PVT1: variants seen among roughly 807,000 people sequenced by gnomAD.
PVT1 encodes CXCR4/PVT1 fusion.
At chr8:127,843,193 T>A (rs151021139) in intron 2 of PVT1, among the ~76,000 whole-genome samples, 6,620 of 152,088 alleles carry the variant, frequency 0.044, 514 homozygotes, top group African/African-American at 0.15. Context: ...CCATTTCTAC[T>A]AAAAATACAA....
At chr8:127,848,582 C>G (rs941780940) in intron 2 of PVT1, among the ~76,000 whole-genome samples, 2 of 152,196 alleles carry the variant, frequency 1.3e-5, no homozygotes, top group Admixed American at 6.5e-5. Context: ...ACTTGGGAGG[C>G]TGAGGCAGGA....
chr8:127,879,237 A>T (rs1034303529), intron 2 of PVT1, among the ~76,000 whole-genome samples: 4 of 152,270 alleles, frequency 2.6e-5, no homozygotes, highest in African/African-American at 9.6e-5. Context: ...GGTTAAGAAC[A>T]AAGACCCAGG....
In PVT1 at chr8:127,817,354, C is replaced by T. The variant is rs886600169; in HGVS notation, n.372+21283C>T. 3.9e-5 allele frequency among the ~76,000 whole-genome samples: 5 copies of T among 127,080 alleles called. No homozygotes were observed. In the Admixed American group the frequency reaches 4.3e-4, roughly 11 times the overall value. The allele number at this position is 127,080 out of a possible 152,430, so 83.4% of individuals were successfully genotyped here. A position where few individuals can be genotyped will look rare whatever the true frequency, so the allele number is the denominator to read the frequency against. On this transcript the variant is annotated intron_variant and non_coding_transcript_variant, in intron 2 of 10. Coordinates refer to ENST00000651587, the Ensembl canonical transcript of PVT1. ...CCCTGTCTGTGAATTGAGTCTGTTA[C>T]ATATATATATATCTATTTAAATATA... is the stretch of plus-strand genomic sequence containing the variant.
At chr8:127,964,357 C>G (rs1420294150) in intron 3 of PVT1, among the ~76,000 whole-genome samples, 1 of 152,172 alleles carries the variant, frequency 6.6e-6, no homozygotes, top group Admixed American at 6.5e-5. Context: ...TTGGCGGATA[C>G]AGCAGCGACC....
At chr8:128,077,604 G>A (rs1465789193) in intron 5 of PVT1, among the ~76,000 whole-genome samples, 1 of 152,160 alleles carries the variant, frequency 6.6e-6, no homozygotes. Context: ...ACCACGAATA[G>A]AGAAAATGTC....
intron 3 of PVT1, among the ~76,000 whole-genome samples, chr8:127,950,763 G>T (rs1421443717): frequency 6.6e-6 from 1 of 152,236 alleles, no homozygotes; most frequent in Non-Finnish European, 1.5e-5. Flanking sequence ...CTCACAAGGA[G>T]CACCTTCGAG....
At chr8:127,970,688 T>C (rs1264659034) in intron 3 of PVT1, among the ~76,000 whole-genome samples, 2 of 152,026 alleles carry the variant, frequency 1.3e-5, no homozygotes, top group African/African-American at 4.8e-5. Flanking sequence ...GGTCTCATCG[T>C]TGGTTATGGG....
At position 127,891,420 on chromosome 8, in the gene PVT1, A is replaced by G. The variant is rs560113119; in HGVS notation, n.782+422A>G. 2.6e-5 allele frequency among the ~76,000 whole-genome samples: 4 copies of G among 152,318 alleles called. No homozygotes were observed. In the South Asian group the frequency reaches 8.3e-4, roughly 32 times the overall value. On this transcript the variant is annotated intron_variant and non_coding_transcript_variant, in intron 3 of 10. Coordinates refer to ENST00000651587, the Ensembl canonical transcript of PVT1. ...CTTGGCTCTGTGCTCAGAGCTAGGA[A>G]CAACATAAGGCCATATGGCTGGTGC...
intron 2 of PVT1, among the ~76,000 whole-genome samples, chr8:127,886,155 A>G (rs948448170): frequency 3.3e-5 from 5 of 152,192 alleles, no homozygotes; most frequent in African/African-American, 7.2e-5. Flanking sequence ...AGTGACCTGC[A>G]GAGCACATAT....
chr8:127,929,505 A>G (rs1816174409), intron 3 of PVT1, among the ~76,000 whole-genome samples: 1 of 152,188 alleles, frequency 6.6e-6, no homozygotes, highest in South Asian at 2.1e-4. Flanking sequence ...AATTTTTTTA[A>G]AAAGAAAATA....
intron 2 of PVT1, among the ~76,000 whole-genome samples, chr8:127,855,590 G>T (rs544854975): frequency 1.3e-5 from 2 of 152,150 alleles, no homozygotes; most frequent in South Asian, 2.1e-4. Flanking sequence ...GTGGGTGAGG[G>T]GATTGGAATC....
At chr8:128,003,230 T>C (rs1297616029) in intron 4 of PVT1, among the ~76,000 whole-genome samples, 2 of 130,248 alleles carry the variant, frequency 1.5e-5, no homozygotes, top group African/African-American at 3.0e-5. Flanking sequence ...TCCCTCCCTT[T>C]CTTCCTTCCT....
intron 2 of PVT1, among the ~76,000 whole-genome samples, chr8:127,888,864 T>G (rs1485727495): frequency 1.3e-5 from 2 of 152,232 alleles, no homozygotes; most frequent in African/African-American, 4.8e-5. Context: ...ATCATAAGTG[T>G]GTGCTGTTTT....
At chr8:127,972,272 C>T (rs1563653870) in intron 3 of PVT1, among the ~76,000 whole-genome samples, 1 of 152,368 alleles carries the variant, frequency 6.6e-6, no homozygotes, top group African/African-American at 2.4e-5. Flanking sequence ...CCACTCCAGC[C>T]GGCCAGCTTT....
intron 5 of PVT1, among the ~76,000 whole-genome samples, chr8:128,092,832 G>T (rs1814376728): frequency 6.6e-6 from 1 of 151,932 alleles, no homozygotes. Context: ...AATTATTTTT[G>T]CACCAACCTA....
chr8:128,060,124 C>A (rs775518713), intron 4 of PVT1, among the ~76,000 whole-genome samples: 1 of 152,044 alleles, frequency 6.6e-6, no homozygotes, highest in Non-Finnish European at 1.5e-5. Flanking sequence ...GGTGTGGCAG[C>A]GTGCACCTGT....
At chr8:128,008,097 C>T (rs1817268652) in intron 4 of PVT1, among the ~76,000 whole-genome samples, 1 of 152,204 alleles carries the variant, frequency 6.6e-6, no homozygotes, top group Admixed American at 6.5e-5. Context: ...ATGTGACAAT[C>T]GTTGCATTTA....
At chr8:127,969,097 G>C (rs1816735154) in intron 3 of PVT1, among the ~76,000 whole-genome samples, 1 of 152,190 alleles carries the variant, frequency 6.6e-6, no homozygotes, top group South Asian at 2.1e-4. Context: ...ATCCTATCTT[G>C]AGGTGATGGC....
chr8:128,009,900 T>C (rs763651694), intron 4 of PVT1, among the ~76,000 whole-genome samples: 2 of 152,234 alleles, frequency 1.3e-5, no homozygotes, highest in Admixed American at 6.5e-5. Flanking sequence ...ACATAGGAAC[T>C]ACATTTGAGT....
Sources: allele counts gnomAD v4.1 joint callset (sites outside exome capture counted in the v4.1 genomes callset), GRCh38; gene constraint gnomAD v4.1.1; transcripts MANE v1.5; gene names NCBI Gene and HGNC (gene_info 2026-07-23, HGNC 2026-07-21).